The following RGS6 variants were observed in gnomAD, a reference collection of about 807,000 sequenced individuals.
RGS6 encodes the protein regulator of G protein signaling 6.
Under a neutral mutation model 78.5 loss-of-function variants are expected in RGS6, and 30 were observed. That is an observed-to-expected ratio of 0.38 (90% CI 0.29 to 0.52). The LOEUF (loss-of-function observed/expected upper bound fraction) is 0.52. Ranked by LOEUF, RGS6 falls within the 20% of genes least tolerant of loss-of-function variation. RGS6 has a pLI of 0.85. For missense variants in RGS6, 495 were observed against 609.7 expected (o/e 0.81, Z 1.98); for synonymous variants, 206 against 206.0 (o/e 1.00, Z 0.00).
chr14:72,275,508 A>G (rs1010574503), intron 2 of RGS6, among the ~76,000 whole-genome samples: 1 of 152,234 alleles, frequency 6.6e-6, no homozygotes, highest in Non-Finnish European at 1.5e-5. Flanking sequence ...TACAGATTCA[A>G]AAGCTTACAA....
At chr14:71,899,121 AT>A in the RGS6 span, among the ~76,000 whole-genome samples, 7 of 152,154 alleles carry the variant, frequency 4.6e-5, no homozygotes, top group Non-Finnish European at 7.4e-5. Flanking sequence ...CCTTCCCCTG[AT>A]TTTTTTAAAA....
chr14:72,189,810 G>C (rs2097299536), intron 2 of RGS6, among the ~76,000 whole-genome samples: 1 of 152,068 alleles, frequency 6.6e-6, no homozygotes, highest in Non-Finnish European at 1.5e-5. Context: ...ACATGGTTGA[G>C]ACACGCATAA....
chr14:72,098,696 T>G (rs1221433179), intron 2 of RGS6, among the ~76,000 whole-genome samples: 1 of 152,202 alleles, frequency 6.6e-6, no homozygotes, highest in African/African-American at 2.4e-5. Context: ...GAGTCCCAAT[T>G]ACCAAAAATT....
chr14:72,437,251 G>A (rs897960707), intron 3 of RGS6, among the ~76,000 whole-genome samples: 19 of 144,378 alleles, frequency 1.3e-4, no homozygotes, highest in Non-Finnish European at 1.9e-4. Context: ...TGAGACAGGA[G>A]AATCGCTTGA....
chr14:72,577,999 C>T, the RGS6 span, among the ~76,000 whole-genome samples: 3 of 152,294 alleles, frequency 2.0e-5, no homozygotes, highest in Admixed American at 6.5e-5. Flanking sequence ...GGATAAAAAG[C>T]CTTTCCTCTC....
At chr14:72,459,771 T>A in intron 6 of RGS6, 88 bp downstream of exon 6, 1 of 1,289,278 alleles carries the variant, frequency 7.8e-7, no homozygotes, top group Non-Finnish European at 1.1e-6. Flanking sequence ...GTGTGGGCCA[T>A]GGTGGTACAT....
chr14:72,065,077 T>G (rs779638805), intron 2 of RGS6, among the ~76,000 whole-genome samples: 8 of 152,234 alleles, frequency 5.3e-5, no homozygotes, highest in Non-Finnish European at 1.0e-4. Flanking sequence ...GGGGAAATTT[T>G]ACCAATGATT....
chr14:72,297,994 T>C (rs1009808237), intron 2 of RGS6, among the ~76,000 whole-genome samples: 1 of 152,248 alleles, frequency 6.6e-6, no homozygotes, highest in African/African-American at 2.4e-5. Flanking sequence ...AGTTTATTTA[T>C]ATCTTTGATT....
intron 13 of RGS6, among the ~76,000 whole-genome samples, chr14:72,504,541 A>G (rs2096770726): frequency 6.6e-6 from 1 of 152,058 alleles, no homozygotes; most frequent in Admixed American, 6.6e-5. Flanking sequence ...TATGTCTAAA[A>G]CTCATCAGAA....
At chr14:72,046,930 C>G (rs2092892700) in intron 2 of RGS6, among the ~76,000 whole-genome samples, 1 of 152,194 alleles carries the variant, frequency 6.6e-6, no homozygotes, top group Admixed American at 6.5e-5. Flanking sequence ...TAAAAATTGA[C>G]TTCACATAAT....
intron 2 of RGS6, among the ~76,000 whole-genome samples, chr14:72,307,116 C>T (rs2067416687): frequency 6.6e-6 from 1 of 152,150 alleles, no homozygotes; most frequent in South Asian, 2.1e-4. Context: ...GGCAAAACCT[C>T]CCACCAGCAA....
chr14:72,141,724 T>C (rs2096541893), intron 2 of RGS6, among the ~76,000 whole-genome samples: 1 of 152,104 alleles, frequency 6.6e-6, no homozygotes, highest in Non-Finnish European at 1.5e-5. Flanking sequence ...TTGCTGGCTG[T>C]GTCCCCAGCT....
intron 2 of RGS6, among the ~76,000 whole-genome samples, chr14:72,137,320 A>C (rs114976684): frequency 0.011 from 1,621 of 152,286 alleles, 24 homozygotes; most frequent in African/African-American, 0.036. Flanking sequence ...GGAGAAACCA[A>C]ACTGCTTTTT....
chr14:72,370,102 T>C (rs2152830828), intron 3 of RGS6, among the ~76,000 whole-genome samples: 1 of 151,588 alleles, frequency 6.6e-6, no homozygotes, highest in African/African-American at 2.4e-5. Context: ...AATGGTAGAC[T>C]AGCCTACTCA....
chr14:72,305,314 A>G (rs1238426428), intron 2 of RGS6, among the ~76,000 whole-genome samples: 3 of 152,186 alleles, frequency 2.0e-5, no homozygotes, highest in African/African-American at 7.2e-5. Context: ...GGGGTTACAT[A>G]TAGATGCATC....
At chr14:72,271,290 G>T (rs1333605626) in intron 2 of RGS6, among the ~76,000 whole-genome samples, 1 of 152,194 alleles carries the variant, frequency 6.6e-6, no homozygotes, top group African/African-American at 2.4e-5. Context: ...GAAAAGCAAA[G>T]GGACGTCTTA....
intron 3 of RGS6, among the ~76,000 whole-genome samples, chr14:72,450,243 A>G (rs115014421): frequency 0.023 from 3,503 of 152,196 alleles, 133 homozygotes; most frequent in African/African-American, 0.08. Context: ...TCCACTGTAG[A>G]TGTTTAATAA....
At chr14:71,945,162 A>T (rs991208895) in intron 1 of RGS6, among the ~76,000 whole-genome samples, 1 of 152,188 alleles carries the variant, frequency 6.6e-6, no homozygotes, top group East Asian at 1.9e-4. Flanking sequence ...TAGCTAAAAT[A>T]ATAACTCCTG....
intron 2 of RGS6, among the ~76,000 whole-genome samples, chr14:71,998,115 C>T (rs2010848): frequency 0.46 from 69,557 of 152,000 alleles, 16,174 homozygotes; most frequent in East Asian, 0.53. Flanking sequence ...TACATTGGTT[C>T]GGTGTGGAAA....
Sources: gnomAD v4.1 joint callset for allele counts (sites outside exome capture counted in the v4.1 genomes callset) on GRCh38, gnomAD v4.1.1 for gene constraint, MANE v1.5 for transcripts, NCBI Gene and HGNC (gene_info 2026-07-23, HGNC 2026-07-21) for gene names.